The following OCA2 variants were observed in gnomAD, a reference collection of about 807,000 sequenced individuals.
OCA2 encodes the protein P protein.
Under a neutral mutation model 100.2 loss-of-function variants are expected in OCA2, and 77 were observed. That is an observed-to-expected ratio of 0.77 (90% CI 0.64 to 0.93). OCA2 has a LOEUF of 0.93. Ranked by LOEUF, OCA2 falls within the 40% of genes least tolerant of loss-of-function variation. The pLI, the probability that OCA2 is intolerant of heterozygous loss-of-function variation, is 0.00. For synonymous variants in OCA2, 432 were observed against 439.2 expected (o/e 0.98, Z 0.21); for missense variants, 1,062 against 1,089.1 (o/e 0.98, Z 0.35).
At chr15:27,778,604 A>C (rs1471962414) in intron 23 of OCA2, among the ~76,000 whole-genome samples, 1 of 152,230 alleles carries the variant, frequency 6.6e-6, no homozygotes, top group Non-Finnish European at 1.5e-5. Flanking sequence ...GAGAAAAAAA[A>C]AAAGATGTGG....
chr15:28,004,382 A>T (rs1445320204), intron 9 of OCA2, among the ~76,000 whole-genome samples: 1 of 152,188 alleles, frequency 6.6e-6, no homozygotes, highest in Non-Finnish European at 1.5e-5. Context: ...CTCTCCAACC[A>T]GAGTGTGAGC....
chr15:27,783,827 G>A (rs1001640203), intron 23 of OCA2, among the ~76,000 whole-genome samples: 13 of 152,358 alleles, frequency 8.5e-5, no homozygotes, highest in African/African-American at 2.9e-4. Flanking sequence ...GTCAGCATGT[G>A]CTGTCAGAAA....
chr15:28,049,948 A>G lies in OCA2; in HGVS notation c.228-17785T>C, dbSNP rs184753665. On this transcript the variant is annotated intron_variant, in intron 2 of 23. Transcript: ENST00000354638. ...TACACTTAAAAATGGCTAAAATGGT[A>G]GATTATATGATATATATTTTTTCCA... is the stretch of plus-strand genomic sequence containing the variant. Among the ~76,000 whole-genome samples the G allele has an allele frequency of 4.1e-4, 62 of 152,330 alleles. 2 individuals carry two copies. The highest frequency in any genetic ancestry group is 3.3e-3 in the East Asian group (17 of 5,188).
chr15:28,031,984 C>G, intron 3 of OCA2, 81 bp downstream of exon 3: 1 of 1,008,782 alleles, frequency 9.9e-7, no homozygotes, highest in Non-Finnish European at 1.6e-6. Flanking sequence ...AATAAAAATT[C>G]GTGTCTCAAG....
intron 23 of OCA2, among the ~76,000 whole-genome samples, chr15:27,837,889 A>G (rs569085790): frequency 1.3e-5 from 2 of 151,952 alleles, no homozygotes; most frequent in East Asian, 1.9e-4. Flanking sequence ...GACTGAAAAA[A>G]AAAAAAAAAA....
At chr15:27,764,975 C>T (rs1440732985) in intron 23 of OCA2, among the ~76,000 whole-genome samples, 2 of 151,976 alleles carry the variant, frequency 1.3e-5, no homozygotes, top group East Asian at 3.9e-4. Flanking sequence ...TCTTGCTAAA[C>T]AAGGGGTGGA....
intron 19 of OCA2, among the ~76,000 whole-genome samples, chr15:27,922,680 G>GGTGTGTGTGTGTGTGT (rs60426286): frequency 3.1e-4 from 45 of 147,208 alleles, no homozygotes; most frequent in African/African-American, 1.1e-3. Flanking sequence ...TTTTGTTTGG[G>GGTGTGTGTGTGTGTGT]GTGTGTGTGT....
At chr15:27,750,015 A>G (rs1387865575), downstream of OCA2, among the ~76,000 whole-genome samples, 1 of 152,234 alleles carries the variant, frequency 6.6e-6, no homozygotes, top group Non-Finnish European at 1.5e-5. Context: ...CATAGGCTTT[A>G]GCAAAGACAA....
At chr15:27,748,524 C>T in the OCA2 span, among the ~76,000 whole-genome samples, 1 of 152,230 alleles carries the variant, frequency 6.6e-6, no homozygotes, top group Non-Finnish European at 1.5e-5. Context: ...CACAAAAGTA[C>T]ACCAGGACCT....
chr15:27,729,841 C>T, the OCA2 span, among the ~76,000 whole-genome samples: 1 of 152,194 alleles, frequency 6.6e-6, no homozygotes, highest in African/African-American at 2.4e-5. Flanking sequence ...ATAATTTACA[C>T]TTCTATTAAA....
chr15:27,805,725 C>T (rs2033812906), intron 23 of OCA2, among the ~76,000 whole-genome samples: 1 of 152,086 alleles, frequency 6.6e-6, no homozygotes. Flanking sequence ...GTGCCGAGTG[C>T]CAGAGGTGCA....
chr15:27,942,893 T>C (rs1214326442), intron 18 of OCA2, among the ~76,000 whole-genome samples: 1 of 152,200 alleles, frequency 6.6e-6, no homozygotes, highest in Non-Finnish European at 1.5e-5. Flanking sequence ...TGAAATAATC[T>C]CTTGGATATT....
At chr15:27,803,428 C>T (rs773169037) in intron 23 of OCA2, among the ~76,000 whole-genome samples, 9 of 152,272 alleles carry the variant, frequency 5.9e-5, no homozygotes, top group Non-Finnish European at 1.2e-4. Context: ...CATGCTACAA[C>T]GTGGATGGGC....
downstream of OCA2, among the ~76,000 whole-genome samples, chr15:27,752,695 C>T (rs532072127): frequency 7.0e-6 from 1 of 143,394 alleles, no homozygotes; most frequent in East Asian, 2.4e-4. Context: ...CACCCCCGGC[C>T]CTGGCTACCA....
intron 19 of OCA2, among the ~76,000 whole-genome samples, chr15:27,876,687 C>G (rs1182807929): frequency 1.7e-4 from 26 of 151,890 alleles, no homozygotes; most frequent in Non-Finnish European, 5.9e-5. Context: ...TTTTAAGGAA[C>G]TATTCCATTT....
intron 20 of OCA2, 46 bp downstream of exon 20, chr15:27,871,817 C>A: frequency 1.6e-6 from 2 of 1,273,662 alleles, no homozygotes; most frequent in Non-Finnish European, 2.3e-6. Context: ...TTCACAAAAT[C>A]AAAGAACAGT....
chr15:27,921,152 C>T (rs2038843474), intron 19 of OCA2, among the ~76,000 whole-genome samples: 1 of 151,936 alleles, frequency 6.6e-6, no homozygotes, highest in Admixed American at 6.6e-5. Flanking sequence ...AAGATCCACA[C>T]CTAGATGCAT....
chr15:27,972,858 A>T (rs7495502), intron 14 of OCA2, among the ~76,000 whole-genome samples: 1,408 of 42,914 alleles, frequency 0.033, 258 homozygotes, highest in Middle Eastern at 0.11. Flanking sequence ...ATTTTATTTT[A>T]TTTTATTTTA....
intron 15 of OCA2, among the ~76,000 whole-genome samples, chr15:27,962,159 TTCAAA>T (rs1179253686): frequency 6.6e-6 from 1 of 152,146 alleles, no homozygotes; most frequent in Non-Finnish European, 1.5e-5. Flanking sequence ...AATTCCTTCT[TTCAAA>T]TATCCAGTAG....
Sources: gnomAD v4.1 joint callset for allele counts (sites outside exome capture counted in the v4.1 genomes callset) on GRCh38, gnomAD v4.1.1 for gene constraint, MANE v1.5 for transcripts, NCBI Gene and HGNC (gene_info 2026-07-23, HGNC 2026-07-21) for gene names.